The following FOXP2 variants were observed in gnomAD, a reference collection of about 807,000 sequenced individuals.
FOXP2 encodes the protein forkhead box protein P2.
FOXP2 carries 12 observed loss-of-function variants against 115.8 expected under a neutral mutation model. That is an observed-to-expected ratio of 0.10 (90% confidence interval 0.07 to 0.17). The LOEUF is 0.17. Among genes scored for constraint, FOXP2 ranks in the 10% least tolerant of loss-of-function variants. FOXP2 has a pLI of 1.00. For synonymous variants in FOXP2, 328 were observed against 297.7 expected (o/e 1.10, Z -1.05); for missense variants, 629 against 843.5 (o/e 0.75, Z 3.15).
intron 1 of FOXP2, among the ~76,000 whole-genome samples, chr7:114,134,716 A>G (rs1411236272): frequency 1.3e-5 from 2 of 150,616 alleles, no homozygotes; most frequent in Non-Finnish European, 3.0e-5. Context: ...CCGTCTCAAA[A>G]AAAAAAAAAA....
chr7:114,110,177 G>A (rs1036857124), intron 1 of FOXP2, among the ~76,000 whole-genome samples: 3 of 152,070 alleles, frequency 2.0e-5, no homozygotes, highest in African/African-American at 7.2e-5. Flanking sequence ...AGCCCTAGTC[G>A]TAGTTCTAAC....
At chr7:114,155,813 G>A (rs1009900080) in intron 1 of FOXP2, among the ~76,000 whole-genome samples, 5 of 152,142 alleles carry the variant, frequency 3.3e-5, no homozygotes, top group African/African-American at 4.8e-5. Context: ...AAGGAAGTAT[G>A]CATAGAAGAG....
intron 1 of FOXP2, among the ~76,000 whole-genome samples, chr7:114,130,749 A>G (rs147706298): frequency 3.5e-4 from 53 of 152,352 alleles, no homozygotes; most frequent in African/African-American, 1.3e-3. Context: ...AATATATGCA[A>G]AGGCATCAGA....
chr7:114,354,706 A>G (rs1399404596), intron 2 of FOXP2, among the ~76,000 whole-genome samples: 1 of 152,096 alleles, frequency 6.6e-6, no homozygotes, highest in Admixed American at 6.6e-5. Context: ...CCTATATTAT[A>G]TAAGCTTGTT....
chr7:114,157,760 T>C (rs1792707294), intron 1 of FOXP2, among the ~76,000 whole-genome samples: 1 of 152,080 alleles, frequency 6.6e-6, no homozygotes, highest in South Asian at 2.1e-4. Flanking sequence ...TAAAAACATA[T>C]TATATATTTG....
At chr7:114,519,093 C>A (rs578152067) in intron 2 of FOXP2, among the ~76,000 whole-genome samples, 1 of 152,244 alleles carries the variant, frequency 6.6e-6, no homozygotes, top group South Asian at 2.1e-4. Flanking sequence ...ATCTTATCCC[C>A]TACATACATT....
chr7:114,534,358 G>A (rs1006372530), intron 2 of FOXP2, among the ~76,000 whole-genome samples: 3 of 151,750 alleles, frequency 2.0e-5, no homozygotes, highest in Non-Finnish European at 4.4e-5. Flanking sequence ...TGCAGTTTAT[G>A]ATTTTTATCC....
At chr7:114,550,266 C>T (rs1156653026) in intron 3 of FOXP2, among the ~76,000 whole-genome samples, 1 of 151,764 alleles carries the variant, frequency 6.6e-6, no homozygotes, top group Non-Finnish European at 1.5e-5. Context: ...TACAGGCGCC[C>T]TCCACCACGC....
intron 2 of FOXP2, among the ~76,000 whole-genome samples, chr7:114,403,728 GGT>G (rs1424046721): frequency 6.6e-6 from 1 of 152,016 alleles, no homozygotes; most frequent in Non-Finnish European, 1.5e-5. Flanking sequence ...AGAAAATGCT[GGT>G]AAATATTCCA....
chr7:114,407,676 T>C (rs1665637903), intron 2 of FOXP2, among the ~76,000 whole-genome samples: 1 of 152,188 alleles, frequency 6.6e-6, no homozygotes, highest in South Asian at 2.1e-4. Context: ...AGTGCTTTTC[T>C]AAAGCATATA....
At chr7:114,592,429 T>C (rs189351398) in intron 3 of FOXP2, among the ~76,000 whole-genome samples, 36 of 152,096 alleles carry the variant, frequency 2.4e-4, no homozygotes, top group African/African-American at 8.2e-4. Flanking sequence ...TTTATTTAGG[T>C]AGACTTTTAA....
At chr7:114,535,537 A>G (rs774158331) in intron 3 of FOXP2, among the ~76,000 whole-genome samples, 12 of 151,600 alleles carry the variant, frequency 7.9e-5, no homozygotes, top group Non-Finnish European at 1.5e-4. Context: ...CAAAAAAAAC[A>G]AAACAAAACA....
chr7:114,645,277 A>C (rs914252811), intron 8 of FOXP2: 1 of 149,862 alleles, frequency 6.7e-6, no homozygotes, highest in Admixed American at 6.7e-5. Context: ...TACAAGAATT[A>C]AAAGTGAAAG....
At chr7:114,426,792 G>T (rs895190449) in intron 2 of FOXP2, 113 bp downstream of exon 2, 5 of 1,125,130 alleles carry the variant, frequency 4.4e-6, no homozygotes, top group Non-Finnish European at 5.2e-6. Flanking sequence ...AAGATGCTGA[G>T]AATTTATTAT....
At chr7:114,297,484 C>T (rs1257843405) in intron 2 of FOXP2, 1 of 349,486 alleles carries the variant, frequency 2.9e-6, no homozygotes, top group Non-Finnish European at 5.4e-6. Context: ...TTTTTTGCCT[C>T]TAAGTGCCCA....
chr7:114,244,984 G>C (rs187944151), intron 1 of FOXP2, among the ~76,000 whole-genome samples: 1 of 152,006 alleles, frequency 6.6e-6, no homozygotes, highest in Non-Finnish European at 1.5e-5. Flanking sequence ...GGATGGTCTC[G>C]ATCTCCTGAC....
At position 114,292,012 on chromosome 7, in the gene FOXP2, A is replaced by G. The variant is rs924507023; in HGVS notation, c.-11+3903A>G. On this transcript the variant is annotated intron_variant, in intron 2 of 17. Transcript: ENST00000634411. The stretch of plus-strand genomic sequence containing the variant: ...TATATATTATAGATAATATATAGAT[A>G]TAACATTAAAACACATACACATATA... Among the ~76,000 whole-genome samples the G allele has an allele frequency of 2.2e-4, 9 of 41,820 alleles. 1 individual carries two copies. The highest frequency in any genetic ancestry group is 5.8e-4 in the African/African-American group (8 of 13,720). The allele number at this position is 41,820 out of a possible 152,430, so 27.4% of individuals were successfully genotyped here.
At chr7:114,245,718 CTT>C (rs1282316334) in intron 1 of FOXP2, among the ~76,000 whole-genome samples, 1 of 151,990 alleles carries the variant, frequency 6.6e-6, no homozygotes, top group Admixed American at 6.6e-5. Context: ...AACTGAAAGA[CTT>C]TTTTTGTTTT....
intron 2 of FOXP2, among the ~76,000 whole-genome samples, chr7:114,292,721 T>C (rs894720149): frequency 6.6e-6 from 1 of 152,196 alleles, no homozygotes; most frequent in Non-Finnish European, 1.5e-5. Flanking sequence ...GTCAATCGGA[T>C]GTTGCAAACA....
Sources: gnomAD v4.1 joint callset for allele counts (sites outside exome capture counted in the v4.1 genomes callset) on GRCh38, gnomAD v4.1.1 for gene constraint, MANE v1.5 for transcripts, NCBI Gene and HGNC (gene_info 2026-07-23, HGNC 2026-07-21) for gene names.